Variants in ZNF254 observed in about 807,000 individuals in gnomAD.
ZNF254 encodes the protein zinc finger protein 254.
ZNF254 carries 10 observed loss-of-function variants against 12.4 expected under a neutral mutation model. The ratio of observed to expected loss-of-function variants is 0.80; its 90% CI spans 0.50 to 1.36. The LOEUF (loss-of-function observed/expected upper bound fraction) is 1.36, where lower values mean the gene tolerates loss of function less well. Ranked by LOEUF, ZNF254 falls within the 40% of genes most tolerant of loss-of-function variation. The pLI is 0.00. For synonymous variants in ZNF254, 305 were observed against 253.4 expected, an observed-to-expected ratio of 1.20 and a Z score of -1.93; for missense variants, 996 against 763.9, an observed-to-expected ratio of 1.30 and a Z score of -3.58.
rs1299490213 is a variant in ZNF254 at position 24,127,198 on chromosome 19, CATGTTGGAGA to C, written c.1199_1208del (p.His400ArgfsTer24). ...AACTCTTACTACACATAAAATAATT[CATGTTGGAGA>C]GAAACTCTACAAATGTGAAGAATGC... On this transcript the variant is annotated frameshift_variant, in exon 4 of 4. Coordinates refer to ENST00000357002, the MANE Select transcript of ZNF254 (RefSeq NM_203282.4). LOFTEE classifies it low-confidence loss of function (END_TRUNC). 2.5e-6 allele frequency: 4 copies of C among 1,613,120 alleles called. No individual in the cohort carries two copies. Among genetic ancestry groups the C allele is most frequent in the Non-Finnish European group, 3.4e-6 (4 of 1,179,628 alleles).
chr19:24,034,245 G>A (rs528315758), intron 1 of ZNF254, among the ~76,000 whole-genome samples: 1 of 151,852 alleles, frequency 6.6e-6, no homozygotes, highest in Non-Finnish European at 1.5e-5. Flanking sequence ...TCAAGCTAAG[G>A]ATAGTTTAGT....
chr19:24,050,016 G>T (rs1352145182), intron 2 of ZNF254, among the ~76,000 whole-genome samples: 1 of 152,022 alleles, frequency 6.6e-6, no homozygotes, highest in Non-Finnish European at 1.5e-5. Context: ...TCATGGCACT[G>T]CCCTCAGCAG....
At chr19:24,089,020 A>G (rs1972205932) in intron 1 of ZNF254, among the ~76,000 whole-genome samples, 1 of 124,400 alleles carries the variant, frequency 8.0e-6, no homozygotes, top group Non-Finnish European at 1.6e-5. Context: ...CTTGTTGCCC[A>G]GGCTGGAGTG....
At chr19:24,066,203 T>G (rs1197625600) in intron 2 of ZNF254, 2 of 152,192 alleles carry the variant, frequency 1.3e-5, no homozygotes, top group Non-Finnish European at 2.9e-5. Context: ...TGTGGCATAT[T>G]GCTGTGGTCA....
At chr19:24,063,102 A>G (rs983786523) in intron 2 of ZNF254, among the ~76,000 whole-genome samples, 1 of 152,064 alleles carries the variant, frequency 6.6e-6, no homozygotes, top group Non-Finnish European at 1.5e-5. Context: ...TGCCTAGACT[A>G]AGGCACATAA....
At chr19:24,064,250 C>T (rs1971186395) in intron 2 of ZNF254, among the ~76,000 whole-genome samples, 1 of 152,154 alleles carries the variant, frequency 6.6e-6, no homozygotes. Context: ...GAGCCCAGCT[C>T]CTAGGCTGTG....
chr19:24,055,649 A>G (rs10414075), intron 2 of ZNF254, among the ~76,000 whole-genome samples: 49,885 of 151,982 alleles, frequency 0.33, 9,935 homozygotes, highest in African/African-American at 0.57. Context: ...AACACAGCCC[A>G]CTTTTGAAGT....
intron 1 of ZNF254, chr19:24,105,609 C>T (rs1472339114): frequency 4.6e-5 from 11 of 239,114 alleles, no homozygotes. Flanking sequence ...ACAACTATGT[C>T]TTTTTCATCT....
chr19:24,093,019 C>T (rs55736631), intron 1 of ZNF254, among the ~76,000 whole-genome samples: 25,563 of 151,998 alleles, frequency 0.17, 2,672 homozygotes, highest in Middle Eastern at 0.26. Context: ...GATTGTATCT[C>T]GTGGTTTTTC....
chr19:24,037,440 T>A (rs11666653), intron 1 of ZNF254, among the ~76,000 whole-genome samples: 24,710 of 152,152 alleles, frequency 0.16, 2,029 homozygotes, highest in African/African-American at 0.18. Context: ...TATTTATTTT[T>A]ATGTTTTTTT....
intron 2 of ZNF254, among the ~76,000 whole-genome samples, chr19:24,067,869 A>T (rs1482508911): frequency 6.6e-6 from 1 of 152,180 alleles, no homozygotes. Context: ...AGCCCTGGCC[A>T]CAAGAGTATT....
intron 1 of ZNF254, among the ~76,000 whole-genome samples, chr19:24,102,378 C>CT (rs1350475032): frequency 6.7e-6 from 1 of 149,866 alleles, no homozygotes; most frequent in Non-Finnish European, 1.5e-5. Flanking sequence ...TACACAAACT[C>CT]TGAGATTTAA....
At chr19:24,067,838 G>A (rs1057021572) in intron 2 of ZNF254, among the ~76,000 whole-genome samples, 1 of 152,056 alleles carries the variant, frequency 6.6e-6, no homozygotes, top group African/African-American at 2.4e-5. Flanking sequence ...TGCCACCCAG[G>A]TAATGTGAGT....
At chr19:24,120,697 C>G (rs1974418302) in intron 3 of ZNF254, among the ~76,000 whole-genome samples, 1 of 151,890 alleles carries the variant, frequency 6.6e-6, no homozygotes, top group Non-Finnish European at 1.5e-5. Flanking sequence ...GAGTCTTGCT[C>G]TGTCACCCAG....
At chr19:24,094,567 T>G (rs887103844) in intron 1 of ZNF254, among the ~76,000 whole-genome samples, 2 of 152,170 alleles carry the variant, frequency 1.3e-5, no homozygotes, top group Admixed American at 1.3e-4. Context: ...CCAAATGCCT[T>G]TTATTTTTAT....
chr19:24,116,345 G>T (rs1211596089), intron 3 of ZNF254, among the ~76,000 whole-genome samples: 1 of 152,048 alleles, frequency 6.6e-6, no homozygotes, highest in Non-Finnish European at 1.5e-5. Flanking sequence ...ATCAGATGTG[G>T]ATTTGGTCTT....
At chr19:24,045,667 C>CAAAAAA (rs35872820) in intron 1 of ZNF254, among the ~76,000 whole-genome samples, 1 of 88,808 alleles carries the variant, frequency 1.1e-5, no homozygotes, top group African/African-American at 4.3e-5. Context: ...GACTCTGTCT[C>CAAAAAA]AAAAAAAAAA....
upstream of ZNF254, among the ~76,000 whole-genome samples, chr19:24,084,585 C>T (rs1971959586): frequency 6.6e-6 from 1 of 151,876 alleles, no homozygotes; most frequent in Non-Finnish European, 1.5e-5. Context: ...AAAAAATAAT[C>T]CCAAACCCCG....
chr19:24,049,214 A>ATATATATATATTTTTTTTTTTTT (rs1160333151), intron 2 of ZNF254, among the ~76,000 whole-genome samples: 1 of 40,894 alleles, frequency 2.4e-5, no homozygotes, highest in Non-Finnish European at 4.1e-5. Flanking sequence ...ATATATATAT[A>ATATATATATATTTTTTTTTTTTT]TTTTTTTTTT....
Sources: allele counts gnomAD v4.1 joint callset (sites outside exome capture counted in the v4.1 genomes callset), GRCh38; gene constraint gnomAD v4.1.1; transcripts MANE v1.5; gene names NCBI Gene and HGNC (gene_info 2026-07-23, HGNC 2026-07-21).